The following WDR41 variants were observed in gnomAD, a reference collection of about 807,000 sequenced individuals.
The protein encoded by WDR41 is WD repeat domain 41, also known as WD repeat-containing protein 41.
In WDR41, 63 loss-of-function variants were observed where a neutral mutation model predicts 69.3. The observed-to-expected ratio is 0.91, with a 90% CI of 0.74 to 1.12. The LOEUF (loss-of-function observed/expected upper bound fraction) is 1.12. Ranked by LOEUF, WDR41 falls within the 50% of genes most tolerant of loss-of-function variation. The pLI, the probability that WDR41 is intolerant of heterozygous loss-of-function variation, is 0.00. For missense variants in WDR41, 543 were observed against 534.5 expected, an observed-to-expected ratio of 1.02 and a Z score of -0.16; for synonymous variants, 185 against 192.1, an observed-to-expected ratio of 0.96 and a Z score of 0.31.
rs1798719813 is a variant in WDR41 at position 77,431,472 on chromosome 5, A to C, written c.*1663T>G. ...ACTGGGAAACCAAAAACTAGATGTG[A>C]CTCACTCTATTTGCAATAGTTGCTT... On this transcript the variant is annotated 3_prime_UTR_variant, in exon 13 of 13. Transcript: ENST00000296679. 1 of 152,174 alleles carries C rather than the reference A, an allele frequency of 6.6e-6. No individual in the cohort carries two copies. The highest frequency in any genetic ancestry group is 1.5e-5 in the Non-Finnish European group (1 of 68,028). 9.4% of individuals were successfully genotyped at this position (152,174 alleles called of 1,614,324 possible). A position where few individuals can be genotyped will look rare whatever the true frequency, so the allele number is the denominator to read the frequency against.
At chr5:77,594,246 C>G (rs1206538020) in intron 1 of WDR41, among the ~76,000 whole-genome samples, 1 of 125,660 alleles carries the variant, frequency 8.0e-6, no homozygotes, top group Admixed American at 1.0e-4. Flanking sequence ...AGGGGAACAT[C>G]ACACACCGGG....
At chr5:77,607,560 C>A (rs747158311) in intron 1 of WDR41, among the ~76,000 whole-genome samples, 50 of 152,298 alleles carry the variant, frequency 3.3e-4, no homozygotes, top group Admixed American at 1.8e-3. Context: ...AACCTCTGGA[C>A]CCTGTGTCCT....
intron 12 of WDR41, 58 bp downstream of exon 12, chr5:77,436,203 G>C: frequency 6.3e-7 from 1 of 1,578,548 alleles, no homozygotes; most frequent in Non-Finnish European, 8.6e-7. Flanking sequence ...TGAAAGAAAA[G>C]AGCAATGAAA....
At position 77,459,080 on chromosome 5, in the gene WDR41, G is replaced by A. The variant is rs759877433; in HGVS notation, c.393C>T (p.Cys131=). The change falls in exon 5 of 13, where the codon TGC becomes TGT. Residue 131 remains cysteine (C), a synonymous_variant. Transcript: ENST00000296679. The part of the protein sequence containing the change: ...DTTRQVQRIS[C]FQSTVKCLTV... ...ATTTTACCTTTACAGTAGACTGGAA[G>A]CATGATATTCTCTGAACTTGTCTGG... is the stretch of plus-strand genomic sequence containing the variant. 6.2e-7 allele frequency: 1 copy of A among 1,601,322 alleles called. No homozygotes were observed. The highest frequency in any genetic ancestry group is 1.1e-5 in the South Asian group (1 of 89,184).
intron 1 of WDR41, among the ~76,000 whole-genome samples, chr5:77,577,890 T>C (rs1356757020): frequency 1.3e-5 from 2 of 152,192 alleles, no homozygotes; most frequent in Non-Finnish European, 2.9e-5. Flanking sequence ...CTAGCCTAAC[T>C]TAAAAATGCT....
At chr5:77,556,961 G>A (rs183768376) in intron 1 of WDR41, among the ~76,000 whole-genome samples, 314 of 152,284 alleles carry the variant, frequency 2.1e-3, no homozygotes, top group African/African-American at 7.1e-3. Context: ...AGCTTTGCCA[G>A]ATGCTGGGCA....
chr5:77,437,434 C>T lies in WDR41; in HGVS notation c.1005-10G>A. On this transcript the variant is annotated splice_polypyrimidine_tract_variant and intron_variant, in intron 10 of 12. Transcript: ENST00000296679. ...GCATGAGATTAACTGCCTGTCAGAA[C>T]AGAAAATCAGTAATACAAAAAGAGC... is the stretch of plus-strand genomic sequence containing the variant. 2 of 1,611,624 alleles carry T rather than the reference C, an allele frequency of 1.2e-6. No homozygotes were observed. The highest frequency in any genetic ancestry group is 1.7e-6 in the Non-Finnish European group (2 of 1,178,160).
At chr5:77,595,572 T>TC (rs887657707) in intron 1 of WDR41, among the ~76,000 whole-genome samples, 5 of 151,168 alleles carry the variant, frequency 3.3e-5, no homozygotes, top group Non-Finnish European at 7.4e-5. Context: ...AAACATTTTG[T>TC]CCCGCATTTC....
intron 8 of WDR41, among the ~76,000 whole-genome samples, chr5:77,449,345 C>T (rs765243049): frequency 1.3e-5 from 2 of 152,148 alleles, no homozygotes; most frequent in Non-Finnish European, 2.9e-5. Context: ...TTGAATCCTG[C>T]TCATTCTAGT....
chr5:77,444,592 A>C (rs443839), intron 8 of WDR41, among the ~76,000 whole-genome samples: 4,808 of 152,332 alleles, frequency 0.032, 205 homozygotes, highest in South Asian at 0.19. Context: ...CACCCCTCTG[A>C]AAACAGATTT....
intron 2 of WDR41, among the ~76,000 whole-genome samples, chr5:77,478,932 G>A (rs1252104566): frequency 6.6e-6 from 1 of 151,688 alleles, no homozygotes; most frequent in African/African-American, 2.4e-5. Flanking sequence ...AAACCCCACT[G>A]TCTCAGCCCA....
Position 77,517,497 on chromosome 5 carries a change from T to C in WDR41, c.43-27925A>G, listed in dbSNP as rs560642780. ...GCTTAGTTCTCTGAACATGTGCATA[T>C]GAACCAAATCCTTCATCTCACAGAT... On this transcript the variant is annotated intron_variant, in intron 1 of 5. Transcript: ENST00000509971. Among the ~76,000 whole-genome samples the C allele has an allele frequency of 7.2e-5, 11 of 152,266 alleles. No individual in the cohort carries two copies. In the East Asian group the frequency reaches 2.1e-3, roughly 29 times the overall value.
intron 1 of WDR41, among the ~76,000 whole-genome samples, chr5:77,519,236 G>A (rs1443994788): frequency 6.6e-6 from 1 of 151,672 alleles, no homozygotes; most frequent in Non-Finnish European, 1.5e-5. Flanking sequence ...CTATATCCTT[G>A]CATACATAAT....
In WDR41 at chr5:77,449,890, A is replaced by T. The variant is rs1799555377; in HGVS notation, c.587-20T>A. ...AAATTACTAAATGAAAAAGACAGATAAAATTTTATTACAATGCTCTAAGAG... is the reference window on the plus strand; with the variant it reads ...AAATTACTAAATGAAAAAGACAGATTAAATTTTATTACAATGCTCTAAGAG... On this transcript the variant is annotated intron_variant, in intron 7 of 12. Coordinates refer to ENST00000296679, the MANE Select transcript of WDR41 (RefSeq NM_018268.4). 6.6e-7 allele frequency: 1 copy of T among 1,515,620 alleles called. No individual in the cohort carries two copies. The highest frequency in any genetic ancestry group is 1.7e-5 in the Admixed American group (1 of 59,034). 93.9% of individuals were successfully genotyped at this position (1,515,620 alleles called of 1,614,324 possible). A position where few individuals can be genotyped will look rare whatever the true frequency, so the allele number is the denominator to read the frequency against.
intron 1 of WDR41, among the ~76,000 whole-genome samples, chr5:77,506,903 G>A (rs1430997704): frequency 6.6e-6 from 1 of 152,012 alleles, no homozygotes; most frequent in Non-Finnish European, 1.5e-5. Context: ...GGGAGCTGGG[G>A]GAGGGATAGC....
chr5:77,500,513 A>G (rs551762748), intron 1 of WDR41, among the ~76,000 whole-genome samples: 124 of 152,310 alleles, frequency 8.1e-4, no homozygotes, highest in Non-Finnish European at 1.5e-3. Context: ...TGTAGGCCCC[A>G]CAGACATTAA....
chr5:77,546,944 C>A (rs1335454113), intron 1 of WDR41, among the ~76,000 whole-genome samples: 1 of 152,092 alleles, frequency 6.6e-6, no homozygotes, highest in South Asian at 2.1e-4. Context: ...GGGTTTCATA[C>A]CAATGATGCA....
chr5:77,576,218 T>C (rs1176222415), intron 1 of WDR41, among the ~76,000 whole-genome samples: 1 of 152,120 alleles, frequency 6.6e-6, no homozygotes, highest in Admixed American at 6.5e-5. Context: ...CAAAAATCAT[T>C]GTCTCTTTTG....
At chr5:77,569,999 T>C (rs887031685) in intron 1 of WDR41, among the ~76,000 whole-genome samples, 9 of 152,170 alleles carry the variant, frequency 5.9e-5, no homozygotes, top group Non-Finnish European at 1.3e-4. Flanking sequence ...TCTCTGAGAA[T>C]AAACTGGTAT....
Sources: gnomAD v4.1 joint callset for allele counts (sites outside exome capture counted in the v4.1 genomes callset) on GRCh38, gnomAD v4.1.1 for gene constraint, MANE v1.5 for transcripts, NCBI Gene and HGNC (gene_info 2026-07-23, HGNC 2026-07-21) for gene names.